ZSCAN5A: variants seen among roughly 807,000 people sequenced by gnomAD.
ZSCAN5A encodes the protein zinc finger and SCAN domain containing 5A.
ZSCAN5A carries 12 observed loss-of-function variants against 23.7 expected under a neutral mutation model. The ratio of observed to expected loss-of-function variants is 0.51; its 90% CI spans 0.32 to 0.82. The LOEUF is 0.82. ZSCAN5A is among the 40% of genes least tolerant of loss of function. The pLI is 0.03. For missense variants in ZSCAN5A, 597 were observed against 617.9 expected (o/e 0.97, Z 0.36); for synonymous variants, 257 against 239.9 (o/e 1.07, Z -0.66).
intron 2 of ZSCAN5A, among the ~76,000 whole-genome samples, chr19:56,265,764 C>T (rs58477337): frequency 0.081 from 12,365 of 152,156 alleles, 1,702 homozygotes; most frequent in African/African-American, 0.28. Context: ...TCTGCTTCTT[C>T]CACTCTTGCT....
intron 2 of ZSCAN5A, among the ~76,000 whole-genome samples, chr19:56,242,925 C>T (rs1310603244): frequency 6.6e-5 from 10 of 152,096 alleles, no homozygotes; most frequent in African/African-American, 1.7e-4. Flanking sequence ...ATTACAGGCA[C>T]GTGCCACCAT....
chr19:56,267,775 G>T (rs1303426928), intron 2 of ZSCAN5A, among the ~76,000 whole-genome samples: 1 of 152,206 alleles, frequency 6.6e-6, no homozygotes, highest in African/African-American at 2.4e-5. Flanking sequence ...GCTAATAACA[G>T]TTCCCATCTC....
intron 2 of ZSCAN5A, among the ~76,000 whole-genome samples, chr19:56,302,325 C>CCTCCCCTT (rs2040300241): frequency 7.0e-6 from 1 of 143,360 alleles, no homozygotes. Context: ...TCCCTCCCTC[C>CCTCCCCTT]CCTTCCTCCT....
intron 2 of ZSCAN5A, chr19:56,363,056 C>A (rs1305763347): frequency 6.6e-6 from 1 of 152,168 alleles, no homozygotes; most frequent in African/African-American, 2.4e-5. Context: ...CAAAGTTATA[C>A]ATTCCTGTAA....
intron 2 of ZSCAN5A, among the ~76,000 whole-genome samples, chr19:56,278,200 T>C (rs57090480): frequency 0.42 from 63,680 of 151,688 alleles, 14,508 homozygotes; most frequent in Non-Finnish European, 0.51. Context: ...CGGCTCGCCA[T>C]GACATCTGCC....
At chr19:56,237,842 G>A (rs10422216) in intron 2 of ZSCAN5A, among the ~76,000 whole-genome samples, 90,162 of 151,354 alleles carry the variant, frequency 0.6, 27,726 homozygotes, top group South Asian at 0.7. Context: ...ATTTGAGCCC[G>A]GGAGGTGGAG....
At chr19:56,310,707 G>A (rs2040984606) in intron 2 of ZSCAN5A, among the ~76,000 whole-genome samples, 1 of 152,210 alleles carries the variant, frequency 6.6e-6, no homozygotes, top group African/African-American at 2.4e-5. Flanking sequence ...AGGAAATACA[G>A]TTGTGAGGAT....
rs1348572050 is a variant in ZSCAN5A at position 56,222,105 on chromosome 19, T to C, written c.961A>G (p.Asn321Asp). ...CCAGCTTGTCCCGGGGATTCTCTGT[T>C]GCCCACAGGTGTGGCTTCTCCTTGA... ...EPQGEATPVG[N>D]RESPGQAGMN... Residue 321 changes from asparagine (N) to aspartate (D), a missense_variant, in exon 6 of 6, where the codon AAC becomes GAC. Asn to Asp is a conservative substitution (Grantham distance 23). This residue lies in a region of ZSCAN5A where 406 missense variants were observed against 353.2 expected (regional missense o/e 1.15). Transcript: ENST00000683990. The C allele has an allele frequency of 5.6e-6, 9 of 1,614,200 alleles. No homozygotes were observed. The highest frequency in any genetic ancestry group is 7.6e-6 in the Non-Finnish European group (9 of 1,180,046).
chr19:56,228,420 G>C (rs1181756370), intron 2 of ZSCAN5A: 2 of 985,348 alleles, frequency 2.0e-6, no homozygotes, highest in Non-Finnish European at 2.4e-6. Context: ...TTACGTAATC[G>C]GCGTTGATTA....
intron 2 of ZSCAN5A, among the ~76,000 whole-genome samples, chr19:56,278,679 T>C (rs1254635306): frequency 6.6e-6 from 1 of 152,188 alleles, no homozygotes; most frequent in Non-Finnish European, 1.5e-5. Flanking sequence ...GGGCCAGTAG[T>C]GTGGCTCAGT....
chr19:56,302,393 C>CCCTATTCTTTCCTCCTCCCTT (rs2040310488), intron 2 of ZSCAN5A, among the ~76,000 whole-genome samples: 1 of 144,406 alleles, frequency 6.9e-6, no homozygotes, highest in Non-Finnish European at 1.5e-5. Context: ...TCTCCTCCCT[C>CCCTATTCTTTCCTCCTCCCTT]CCTATTCTTT....
rs926628644 is a variant in ZSCAN5A at position 56,248,851 on chromosome 19, G to A, written c.-127-23678C>T. Among the ~76,000 whole-genome samples the A allele has an allele frequency of 4.6e-5, 7 of 152,046 alleles. No homozygotes were observed. In the South Asian group the frequency reaches 6.2e-4, roughly 14 times the overall value. On this transcript the variant is annotated intron_variant, in intron 2 of 5. Coordinates refer to ENST00000683990, the MANE Select transcript of ZSCAN5A (RefSeq NM_001322064.3). ...CCCCGCCCAGCATCCCCAGCAGAGC[G>A]GTGCACCTGTTCCATCAGTGAGCCT...
rs11374260 is a variant in ZSCAN5A at position 56,284,513 on chromosome 19, ATTTTTT to A, written c.-128+28764_-128+28769del. Among the ~76,000 whole-genome samples, 303 of 118,314 alleles carry A rather than the reference ATTTTTT, an allele frequency of 2.6e-3. 1 individual carries two copies. Among genetic ancestry groups the A allele is most frequent in the Non-Finnish European group, 3.2e-3 (185 of 58,596 alleles). The allele number at this position is 118,314 out of a possible 152,430, so 77.6% of individuals were successfully genotyped here. On this transcript the variant is annotated intron_variant, in intron 2 of 5. Coordinates refer to ENST00000683990, the MANE Select transcript of ZSCAN5A (RefSeq NM_001322064.3). The stretch of plus-strand genomic sequence containing the variant: ...TTAGAGACAAGTGATGCTTGCTGTA[ATTTTTT>A]TTTTTTTTTTTTTTTGAGACAGTCT...
At chr19:56,234,359 T>C (rs1244705142) in intron 2 of ZSCAN5A, among the ~76,000 whole-genome samples, 1 of 152,032 alleles carries the variant, frequency 6.6e-6, no homozygotes, top group African/African-American at 2.4e-5. Context: ...TCTGAAGATA[T>C]ATTATACGGA....
At chr19:56,342,926 C>A in intron 2 of ZSCAN5A, 1 of 1,006,312 alleles carries the variant, frequency 9.9e-7, no homozygotes, top group Non-Finnish European at 1.6e-6. Context: ...GCTCAGAGTT[C>A]CATATAGCAG....
At chr19:56,303,827 AT>A (rs2040503148) in intron 2 of ZSCAN5A, among the ~76,000 whole-genome samples, 1 of 88,822 alleles carries the variant, frequency 1.1e-5, no homozygotes, top group South Asian at 2.9e-4. Context: ...ACGTCTGGAC[AT>A]AAGAGATGAG....
intron 2 of ZSCAN5A, among the ~76,000 whole-genome samples, chr19:56,237,931 T>A (rs557885722): frequency 9.7e-5 from 3 of 30,810 alleles, no homozygotes; most frequent in South Asian, 9.7e-4. Flanking sequence ...ATAAAAAAAA[T>A]TTAAAAAATG....
chr19:56,309,644 T>G (rs35366276), intron 2 of ZSCAN5A, among the ~76,000 whole-genome samples: 14,392 of 152,186 alleles, frequency 0.095, 738 homozygotes, highest in Middle Eastern at 0.13. Flanking sequence ...ACCTTAAGGT[T>G]CTCTTCCTGC....
chr19:56,343,755 A>G (rs922188795), intron 2 of ZSCAN5A, among the ~76,000 whole-genome samples: 1 of 152,122 alleles, frequency 6.6e-6, no homozygotes, highest in African/African-American at 2.4e-5. Context: ...AACTTTCTTT[A>G]TATCTCTCTT....
Sources: gnomAD v4.1 joint callset for allele counts (sites outside exome capture counted in the v4.1 genomes callset) on GRCh38, gnomAD v4.1.1 for gene constraint, gnomAD v4.1.1 regional missense constraint, MANE v1.5 for transcripts, NCBI Gene and HGNC (gene_info 2026-07-23, HGNC 2026-07-21) for gene names.